The following HMCN1 variants were observed in gnomAD, a reference collection of about 807,000 sequenced individuals.
The protein encoded by HMCN1 is hemicentin-1.
In HMCN1, 321 loss-of-function variants were observed where a neutral mutation model predicts 625.9. The ratio of observed to expected loss-of-function variants is 0.51; its 90% CI spans 0.47 to 0.56. The LOEUF (loss-of-function observed/expected upper bound fraction) is 0.56, where lower values mean the gene tolerates loss of function less well. Ranked by LOEUF, HMCN1 falls within the 20% of genes least tolerant of loss-of-function variation. The pLI is 0.00. For synonymous variants in HMCN1, 2,425 were observed against 2,417.6 expected, an observed-to-expected ratio of 1.00 and a Z score of -0.09; for missense variants, 6,588 against 6,887.3, an observed-to-expected ratio of 0.96 and a Z score of 1.54.
chr1:185,933,109 TA>T (rs768685079), intron 10 of HMCN1, among the ~76,000 whole-genome samples: 3 of 152,144 alleles, frequency 2.0e-5, no homozygotes, highest in Non-Finnish European at 2.9e-5. Flanking sequence ...AATGAGACTG[TA>T]ACCCCCCTTA....
At chr1:185,788,258 G>A (rs1192703419) in intron 1 of HMCN1, among the ~76,000 whole-genome samples, 1 of 152,156 alleles carries the variant, frequency 6.6e-6, no homozygotes. Context: ...TATTTAAGTG[G>A]CATTATAAAA....
At chr1:185,977,288 C>T (rs929703899) in intron 15 of HMCN1, among the ~76,000 whole-genome samples, 1 of 152,004 alleles carries the variant, frequency 6.6e-6, no homozygotes, top group Non-Finnish European at 1.5e-5. Flanking sequence ...TGATATTGAA[C>T]AAGGATATAA....
chr1:185,946,269 G>C (rs146649769), intron 11 of HMCN1, among the ~76,000 whole-genome samples: 42 of 152,242 alleles, frequency 2.8e-4, no homozygotes, highest in African/African-American at 9.9e-4. Flanking sequence ...GTGCTGTGTA[G>C]ATCCACTTTC....
At chr1:185,735,123 TTGTC>T (rs1653469479) in intron 1 of HMCN1, 76 bp downstream of exon 1, 9 of 1,495,952 alleles carry the variant, frequency 6.0e-6, no homozygotes, top group Non-Finnish European at 8.4e-6. Flanking sequence ...ATGAAATTGT[TTGTC>T]AGGAAGTTTC....
chr1:185,984,400 A>G, intron 19 of HMCN1, 87 bp downstream of exon 19: 1 of 1,233,046 alleles, frequency 8.1e-7, no homozygotes, highest in East Asian at 2.3e-5. Context: ...TGTTCCTCTA[A>G]TTACAATTAG....
intron 1 of HMCN1, among the ~76,000 whole-genome samples, chr1:185,743,137 T>C (rs2102072040): frequency 6.6e-6 from 1 of 152,350 alleles, no homozygotes; most frequent in Non-Finnish European, 1.5e-5. Flanking sequence ...TGACTAGATA[T>C]TAAGCTCCAA....
chr1:185,814,818 A>G (rs1427687247), intron 1 of HMCN1, among the ~76,000 whole-genome samples: 3 of 149,376 alleles, frequency 2.0e-5, no homozygotes, highest in Non-Finnish European at 2.9e-5. Flanking sequence ...CAGCCTCCCA[A>G]GTAGCTGGGA....
rs1034503719 is a variant in HMCN1 at position 185,987,907 on chromosome 1, G to T, written c.3048+363G>T. Among the ~76,000 whole-genome samples, 3 of 152,208 alleles carry T rather than the reference G, an allele frequency of 2.0e-5. No homozygotes were observed. In the South Asian group the frequency reaches 6.2e-4, roughly 32 times the overall value. ...AAGTGCAAGAAGGATGACCCTGGTG[G>T]CGCATGTGGAACTGACCAGTAGACC... is the stretch of plus-strand genomic sequence containing the variant. On this transcript the variant is annotated intron_variant, in intron 20 of 106. Coordinates refer to ENST00000271588, the MANE Select transcript of HMCN1 (RefSeq NM_031935.3).
At chr1:186,017,496 C>G (rs1293685906) in intron 33 of HMCN1, among the ~76,000 whole-genome samples, 1 of 151,718 alleles carries the variant, frequency 6.6e-6, no homozygotes, top group East Asian at 1.9e-4. Flanking sequence ...TTTTTTTCTT[C>G]TTCTTTAATT....
chr1:186,103,408 T>C, intron 68 of HMCN1, 64 bp from the exon 69 acceptor site: 2 of 1,394,246 alleles, frequency 1.4e-6, no homozygotes, highest in Non-Finnish European at 2.0e-6. Context: ...TTTTCAAGTT[T>C]TTCTAACGAG....
intron 36 of HMCN1, among the ~76,000 whole-genome samples, chr1:186,030,399 T>G (rs528464803): frequency 6.4e-4 from 97 of 152,218 alleles, no homozygotes; most frequent in African/African-American, 2.2e-3. Context: ...TTATAATTGG[T>G]ATATCCTGAT....
intron 11 of HMCN1, among the ~76,000 whole-genome samples, chr1:185,951,295 T>C (rs1668653483): frequency 6.6e-6 from 1 of 151,226 alleles, no homozygotes; most frequent in African/African-American, 2.4e-5. Context: ...CAGGTGGGGA[T>C]AACTAAAAAG....
intron 35 of HMCN1, 56 bp downstream of exon 35, chr1:186,019,751 A>C: frequency 7.0e-7 from 1 of 1,430,100 alleles, no homozygotes; most frequent in Middle Eastern, 1.8e-4. Context: ...TCTTCCTGGA[A>C]ATATCAAGTT....
chr1:185,875,767 A>G (rs1442457922), intron 4 of HMCN1, among the ~76,000 whole-genome samples: 3 of 151,684 alleles, frequency 2.0e-5, no homozygotes, highest in African/African-American at 7.3e-5. Flanking sequence ...TACTTACTCT[A>G]TCTCTTGATA....
chr1:186,117,041 A>G lies in HMCN1; in HGVS notation c.11609A>G (p.Asp3870Gly), dbSNP rs755838893. The G allele has an allele frequency of 1.9e-6, 3 of 1,613,350 alleles. No individual in the cohort carries two copies. Among genetic ancestry groups the G allele is most frequent in the Non-Finnish European group, 2.5e-6 (3 of 1,179,494 alleles). Residue 3870 changes from aspartate (D) to glycine (G), a missense_variant, in exon 76 of 107, where the codon GAC becomes GGC. Around this residue, in one of 3 missense-constraint regions of HMCN1, gnomAD observed 4,628 missense variants for 4,853.1 expected, o/e 0.95. Coordinates refer to ENST00000271588, the MANE Select transcript of HMCN1 (RefSeq NM_031935.3). Reference sequence around the variant, plus strand: ...GTAATTATTTCCCCTTCTGTGGATGACACTGCAACCTATGAATGTACTGTG... The same window carrying G: ...GTAATTATTTCCCCTTCTGTGGATGGCACTGCAACCTATGAATGTACTGTG... The part of the protein sequence containing the change: ...SLVIISPSVD[D>G]TATYECTVTN...
At chr1:185,923,109 T>G (rs1667078980) in intron 7 of HMCN1, among the ~76,000 whole-genome samples, 1 of 152,186 alleles carries the variant, frequency 6.6e-6, no homozygotes, top group Non-Finnish European at 1.5e-5. Flanking sequence ...ATAATTTATC[T>G]TTAAAAGTAT....
intron 1 of HMCN1, among the ~76,000 whole-genome samples, chr1:185,785,699 A>T (rs913990620): frequency 6.6e-6 from 1 of 152,192 alleles, no homozygotes; most frequent in African/African-American, 2.4e-5. Context: ...TTGAAGGCCA[A>T]ATAGGAAACA....
chr1:186,090,836 A>G lies in HMCN1; in HGVS notation c.9806A>G (p.Asn3269Ser). 5 of 1,612,660 alleles carry G rather than the reference A, an allele frequency of 3.1e-6. No homozygotes were observed. The highest frequency in any genetic ancestry group is 4.2e-6 in the Non-Finnish European group (5 of 1,179,054). Residue 3269 changes from asparagine (N) to serine (S), a missense_variant, in exon 64 of 107, where the codon AAT becomes AGT. This residue lies in a region of HMCN1 where 4,628 missense variants were observed against 4,853.1 expected (regional missense o/e 0.95). Transcript: ENST00000271588. ...GGAGAAAATGTTGAGCTGGTCTGCA[A>G]TGCAAATGGCATTCCTACTCCACTT... The part of the protein sequence containing the change: ...LLGENVELVC[N>S]ANGIPTPLIQ...
chr1:185,890,944 C>CT (rs1162500021), intron 4 of HMCN1, among the ~76,000 whole-genome samples: 1 of 14,606 alleles, frequency 6.8e-5, no homozygotes, highest in Non-Finnish European at 1.2e-4. Context: ...GTGTGGGAGT[C>CT]TAAGTCTCTT....
Sources: allele counts gnomAD v4.1 joint callset (sites outside exome capture counted in the v4.1 genomes callset), GRCh38; gene constraint gnomAD v4.1.1; regional missense constraint gnomAD v4.1.1; transcripts MANE v1.5; gene names NCBI Gene and HGNC (gene_info 2026-07-23, HGNC 2026-07-21).